The following GRIA3 variants were observed in gnomAD, a reference collection of about 807,000 sequenced individuals.
GRIA3 encodes glutamate receptor 3.
A neutral mutation model predicts 63.0 loss-of-function variants in GRIA3; 3 were observed. That is an observed-to-expected ratio of 0.05 (90% confidence interval 0.02 to 0.12). GRIA3 has a LOEUF of 0.12. GRIA3 is among the 10% of genes least tolerant of loss of function. The pLI is 1.00. For synonymous variants in GRIA3, 274 were observed against 257.9 expected, an observed-to-expected ratio of 1.06 and a Z score of -0.60; for missense variants, 347 against 700.9, an observed-to-expected ratio of 0.50 and a Z score of 5.70.
At chrX:123,275,185 T>TAAC (rs746176510) in intron 3 of GRIA3, among the ~76,000 whole-genome samples, 1 of 111,725 alleles carries the variant, frequency 9.0e-6, no homozygotes, top group Admixed American at 9.5e-5. Flanking sequence ...AAGATAATTA[T>TAAC]AACAATAGCA....
At chrX:123,247,635 C>A (rs2044366619) in intron 2 of GRIA3, among the ~76,000 whole-genome samples, 1 of 111,782 alleles carries the variant, frequency 8.9e-6, no homozygotes. Context: ...AGCATTTCAC[C>A]AGCACAAAGG....
At chrX:123,265,719 C>T (rs1480254738) in intron 3 of GRIA3, among the ~76,000 whole-genome samples, 1 of 112,028 alleles carries the variant, frequency 8.9e-6, no homozygotes, top group East Asian at 2.8e-4. Context: ...GAAATTAACT[C>T]TTAAGGAGAG....
At chrX:123,406,581 G>A (rs2045475105) in intron 10 of GRIA3, among the ~76,000 whole-genome samples, 1 of 111,633 alleles carries the variant, frequency 9.0e-6, no homozygotes, top group Non-Finnish European at 1.9e-5. Context: ...CAAAAGCAAA[G>A]CTGGACCCCA....
chrX:123,330,874 T>C (rs937875604), intron 4 of GRIA3, among the ~76,000 whole-genome samples: 7 of 112,447 alleles, frequency 6.2e-5, no homozygotes, highest in Non-Finnish European at 1.3e-4. Flanking sequence ...TGTCTTAACA[T>C]TGTTTTCAAG....
At position 123,368,399 on chromosome X, in the gene GRIA3, C is replaced by T. The variant is rs1049890263; in HGVS notation, c.750+13436C>T. Among the ~76,000 whole-genome samples the T allele has an allele frequency of 5.4e-5, 6 of 111,321 alleles. No homozygotes were observed. In the Admixed American group the frequency reaches 5.7e-4, roughly 11 times the overall value. On this transcript the variant is annotated intron_variant, in intron 5 of 15. Transcript: ENST00000620443. Reference sequence around the variant, plus strand: ...TACTGCTCCCTACCCCTTAAAACCCCATCTCTTTCTGCTTTTACCTCTCGG... The same window carrying T: ...TACTGCTCCCTACCCCTTAAAACCCTATCTCTTTCTGCTTTTACCTCTCGG...
At chrX:123,360,632 G>C (rs2045164865) in intron 5 of GRIA3, among the ~76,000 whole-genome samples, 2 of 96,288 alleles carry the variant, frequency 2.1e-5, no homozygotes, top group Non-Finnish European at 4.1e-5. Flanking sequence ...GGAGGTGGAG[G>C]TTGCAGTGAG....
chrX:123,326,998 T>C (rs2044910043), intron 4 of GRIA3, among the ~76,000 whole-genome samples: 1 of 108,950 alleles, frequency 9.2e-6, no homozygotes, highest in African/African-American at 3.3e-5. Context: ...AAACCCCATC[T>C]CTGTTAGAAA....
chrX:123,302,924 C>T lies in GRIA3; in HGVS notation c.509-23102C>T, dbSNP rs1156273093. Among the ~76,000 whole-genome samples the T allele has an allele frequency of 2.7e-5, 3 of 111,159 alleles. No individual in the cohort carries two copies. In the East Asian group the frequency reaches 8.6e-4, roughly 32 times the overall value. ...GGACAAGTGTTTAATATTACACACT[C>T]ACAATAGAATTTCCTTTCTATGACG... is the stretch of plus-strand genomic sequence containing the variant. On this transcript the variant is annotated intron_variant, in intron 3 of 15. Transcript: ENST00000620443.
At chrX:123,331,636 C>T (rs1190487255) in intron 4 of GRIA3, among the ~76,000 whole-genome samples, 1 of 111,900 alleles carries the variant, frequency 8.9e-6, no homozygotes, top group Non-Finnish European at 1.9e-5. Context: ...CCAGCCCTTA[C>T]TCTCAATGTT....
At chrX:123,463,696 A>G (rs1569440906) in intron 12 of GRIA3, among the ~76,000 whole-genome samples, 21 of 45,284 alleles carry the variant, frequency 4.6e-4, no homozygotes, top group East Asian at 2.9e-3. Flanking sequence ...GAGAGAAAGA[A>G]AGAAAAAGAA....
At chrX:123,190,494 A>G (rs1198119430) in intron 2 of GRIA3, among the ~76,000 whole-genome samples, 1 of 111,491 alleles carries the variant, frequency 9.0e-6, no homozygotes, top group Non-Finnish European at 1.9e-5. Context: ...CATTTGGGCC[A>G]TAAAAATAGA....
At chrX:123,457,966 G>T (rs1337519370) in intron 12 of GRIA3, among the ~76,000 whole-genome samples, 1 of 111,391 alleles carries the variant, frequency 9.0e-6, no homozygotes, top group African/African-American at 3.3e-5. Context: ...GACCAGAAAA[G>T]GTGAGTTGAA....
chrX:123,274,668 A>T (rs957226986), intron 3 of GRIA3, among the ~76,000 whole-genome samples: 38 of 112,236 alleles, frequency 3.4e-4, no homozygotes, highest in Non-Finnish European at 6.8e-4. Context: ...CTCAGAAGGC[A>T]TATCCCAAGC....
chrX:123,285,577 C>CAAAAAAAAAAAAAAAAAA (rs59101106), intron 3 of GRIA3, among the ~76,000 whole-genome samples: 2 of 10,171 alleles, frequency 2.0e-4, no homozygotes, highest in African/African-American at 4.3e-4. Flanking sequence ...AAATGAAAAG[C>CAAAAAAAAAAAAAAAAAA]AAAAAAAAAA....
At chrX:123,444,367 A>C (rs1364648063) in intron 12 of GRIA3, among the ~76,000 whole-genome samples, 3 of 112,171 alleles carry the variant, frequency 2.7e-5, no homozygotes, top group Non-Finnish European at 5.6e-5. Flanking sequence ...ACTGATACAG[A>C]AGGAAAAGAA....
At chrX:123,403,603 A>G in intron 9 of GRIA3, 84 bp downstream of exon 9, 2 of 646,065 alleles carry the variant, frequency 3.1e-6, no homozygotes, top group Non-Finnish European at 5.2e-6. Flanking sequence ...AGTAGAAAAG[A>G]CCTCAAGTTC....
At chrX:123,197,415 C>T (rs1366271686) in intron 2 of GRIA3, among the ~76,000 whole-genome samples, 3 of 111,570 alleles carry the variant, frequency 2.7e-5, no homozygotes, top group Admixed American at 9.5e-5. Flanking sequence ...GTCCCAGCTA[C>T]TCAGGAGTCT....
chrX:123,279,399 A>T lies in GRIA3; in HGVS notation c.508+25857A>T, dbSNP rs968000968. ...TCTTACCACAAAAATAATAATAATAAATTTGTTAATTAGCTAGATCTAACC... is the reference window on the plus strand; with the variant it reads ...TCTTACCACAAAAATAATAATAATATATTTGTTAATTAGCTAGATCTAACC... On this transcript the variant is annotated intron_variant, in intron 3 of 15. Transcript: ENST00000620443. Among the ~76,000 whole-genome samples the T allele has an allele frequency of 4.5e-5, 5 of 112,050 alleles. No individual in the cohort carries two copies. In the East Asian group the frequency reaches 1.4e-3, roughly 31 times the overall value.
intron 2 of GRIA3, among the ~76,000 whole-genome samples, chrX:123,207,650 G>C (rs1435589175): frequency 8.9e-6 from 1 of 112,102 alleles, no homozygotes. Context: ...AGTGGGGCTT[G>C]GTCCTTGTTA....
Sources: gnomAD v4.1 joint callset for allele counts (sites outside exome capture counted in the v4.1 genomes callset) on GRCh38, gnomAD v4.1.1 for gene constraint, MANE v1.5 for transcripts, NCBI Gene and HGNC (gene_info 2026-07-23, HGNC 2026-07-21) for gene names.